The following MTMR7 variants were observed in gnomAD, a reference collection of about 807,000 sequenced individuals.
The protein encoded by MTMR7 is phosphatidylinositol-3-phosphate phosphatase MTMR7.
MTMR7 carries 76 observed loss-of-function variants against 81.2 expected under a neutral mutation model. That is an observed-to-expected ratio of 0.94 (90% CI 0.78 to 1.13). MTMR7 has a LOEUF of 1.13. Ranked by LOEUF, MTMR7 falls within the 50% of genes most tolerant of loss-of-function variation. The pLI is 0.00. For missense variants in MTMR7, 1,044 were observed against 820.0 expected (o/e 1.27, Z -3.34); for synonymous variants, 372 against 289.8 (o/e 1.28, Z -2.88).
intron 7 of MTMR7, among the ~76,000 whole-genome samples, chr8:17,317,579 G>A (rs1217428372): frequency 6.6e-6 from 1 of 152,172 alleles, no homozygotes; most frequent in Non-Finnish European, 1.5e-5. Flanking sequence ...TTTCCAGAAA[G>A]TGTATCACCA....
chr8:17,356,265 T>C (rs1819886708), intron 4 of MTMR7, among the ~76,000 whole-genome samples: 1 of 152,170 alleles, frequency 6.6e-6, no homozygotes, highest in Admixed American at 6.5e-5. Context: ...CAAACTAACT[T>C]AATCATACGG....
chr8:17,381,880 G>A (rs1820772043), intron 1 of MTMR7, among the ~76,000 whole-genome samples: 1 of 152,166 alleles, frequency 6.6e-6, no homozygotes, highest in African/African-American at 2.4e-5. Context: ...AAGAGGCCTG[G>A]GCTCTGGTTC....
Position 17,400,649 on chromosome 8 carries a change from G to A in MTMR7, c.24+12620C>T, listed in dbSNP as rs114283946. 7.5e-3 allele frequency among the ~76,000 whole-genome samples: 1,142 copies of A among 152,164 alleles called. 19 individuals are homozygous for A. Among genetic ancestry groups the A allele is most frequent in the African/African-American group, 0.026 (1,082 of 41,510 alleles). On this transcript the variant is annotated intron_variant, in intron 1 of 13. Coordinates refer to ENST00000180173, the MANE Select transcript of MTMR7 (RefSeq NM_004686.5). ...CCTCAGTACTGTTTTGATTTAGACC[G>A]GTTTAAAGATGGATTCTTATCTAAT... is the stretch of plus-strand genomic sequence containing the variant.
chr8:17,388,064 A>C (rs148823928), intron 1 of MTMR7, among the ~76,000 whole-genome samples: 1 of 152,352 alleles, frequency 6.6e-6, no homozygotes, highest in African/African-American at 2.4e-5. Context: ...AGAACAAGAA[A>C]AAAGTGCCCA....
rs1291994774 is a variant in MTMR7 at position 17,338,736 on chromosome 8, T to C, written c.732+2627A>G. 2.0e-5 allele frequency: 3 copies of C among 152,270 alleles called. No individual in the cohort carries two copies. The East Asian group carries it at 5.8e-4, about 29-fold the overall frequency. 9.4% of individuals were successfully genotyped at this position (152,270 alleles called of 1,614,324 possible). A position where few individuals can be genotyped will look rare whatever the true frequency, so the allele number is the denominator to read the frequency against. Reference sequence around the variant, plus strand: ...TCTTCCAGCAAAGGAGCTATTTTTTTTTTTTTCAGTTTGAAACTTTTATCT... The same window carrying C: ...TCTTCCAGCAAAGGAGCTATTTTTTCTTTTTTCAGTTTGAAACTTTTATCT... On this transcript the variant is annotated intron_variant, in intron 6 of 13. Transcript: ENST00000180173.
chr8:17,300,308 C>G (rs944153105), intron 13 of MTMR7, 84 bp from the exon 14 acceptor site: 1 of 1,369,910 alleles, frequency 7.3e-7, no homozygotes, highest in Non-Finnish European at 9.8e-7. Context: ...CATTTGTTAC[C>G]TCCCACGTGG....
At chr8:17,364,190 C>T (rs949170651) in intron 3 of MTMR7, among the ~76,000 whole-genome samples, 5 of 151,634 alleles carry the variant, frequency 3.3e-5, no homozygotes, top group Admixed American at 6.6e-5. Flanking sequence ...CCACCACGCC[C>T]GGCTAATTTT....
chr8:17,396,532 A>C (rs962864827), intron 1 of MTMR7, among the ~76,000 whole-genome samples: 12 of 152,126 alleles, frequency 7.9e-5, no homozygotes, highest in African/African-American at 2.9e-4. Flanking sequence ...GAGTATGTGG[A>C]CCAGCCTTAG....
chr8:17,366,056 C>T (rs1279100272), intron 3 of MTMR7, among the ~76,000 whole-genome samples: 3 of 152,174 alleles, frequency 2.0e-5, no homozygotes, highest in Non-Finnish European at 4.4e-5. Context: ...CTCTCCTCGG[C>T]TCCTTCACTC....
chr8:17,305,814 T>A lies in MTMR7; in HGVS notation c.1295A>T (p.Tyr432Phe), dbSNP rs756189120. 16 of 1,613,696 alleles carry A rather than the reference T, an allele frequency of 9.9e-6. No homozygotes were observed. Among genetic ancestry groups the A allele is most frequent in the Non-Finnish European group, 1.4e-5 (16 of 1,179,734 alleles). ...TAGGAAGTTTCCAAACTGGCAGGAA[T>A]AAATGTGATGTTGAATGTGAATCAA... ...RFLIHIQHHI[Y>F]SCQFGNFLCN... The change falls in exon 11 of 14, where the codon TAT becomes TTT. Residue 432 changes from tyrosine (Y) to phenylalanine (F), a missense_variant. Transcript: ENST00000180173.
intron 7 of MTMR7, among the ~76,000 whole-genome samples, chr8:17,323,371 G>A (rs953751773): frequency 9.9e-5 from 15 of 152,014 alleles, no homozygotes; most frequent in Non-Finnish European, 4.4e-5. Context: ...AAAAAATAGA[G>A]AATAATTAAA....
intron 1 of MTMR7, among the ~76,000 whole-genome samples, chr8:17,391,203 A>C (rs1330828470): frequency 6.6e-6 from 1 of 152,112 alleles, no homozygotes; most frequent in Non-Finnish European, 1.5e-5. Flanking sequence ...TAGATGGACA[A>C]ACCTTGTAGG....
rs150843963 is a variant in MTMR7, at chr8:17,323,318, G to A, written c.865+7832C>T. 5.6e-3 allele frequency among the ~76,000 whole-genome samples: 849 copies of A among 152,082 alleles called. 13 individuals carry two copies. Among genetic ancestry groups the A allele is most frequent in the Admixed American group, 7.9e-3 (121 of 15,270 alleles). ...GCAACACAGCAAATACACTGGGGTC[G>A]AAATCTACATCCCTTGACTCCACTT... On this transcript the variant is annotated intron_variant, in intron 7 of 13. Transcript: ENST00000180173.
At chr8:17,405,075 C>A (rs1821537876) in intron 1 of MTMR7, among the ~76,000 whole-genome samples, 1 of 152,236 alleles carries the variant, frequency 6.6e-6, no homozygotes. Context: ...TGGCCCTGAA[C>A]TTCTGACCTC....
chr8:17,319,219 A>T (rs1453600693), intron 7 of MTMR7, among the ~76,000 whole-genome samples: 2 of 152,238 alleles, frequency 1.3e-5, no homozygotes, highest in East Asian at 3.8e-4. Context: ...AACCTGGGCT[A>T]GTTACTGAGC....
chr8:17,398,433 A>C (rs1318908447), intron 1 of MTMR7, among the ~76,000 whole-genome samples: 1 of 152,230 alleles, frequency 6.6e-6, no homozygotes, highest in Non-Finnish European at 1.5e-5. Flanking sequence ...GAATCTCTTA[A>C]TAGCAGAATT....
At chr8:17,341,095 G>A (rs968963002) in intron 6 of MTMR7, among the ~76,000 whole-genome samples, 1 of 152,212 alleles carries the variant, frequency 6.6e-6, no homozygotes, top group Non-Finnish European at 1.5e-5. Flanking sequence ...TCTCCAAAAT[G>A]AAGCCACATT....
intron 1 of MTMR7, among the ~76,000 whole-genome samples, chr8:17,396,865 C>T (rs908178890): frequency 6.6e-6 from 1 of 151,792 alleles, no homozygotes; most frequent in Non-Finnish European, 1.5e-5. Context: ...TGTCTTGCAC[C>T]TTCATTAACA....
intron 1 of MTMR7, among the ~76,000 whole-genome samples, chr8:17,391,820 T>C (rs1821117225): frequency 6.6e-6 from 1 of 152,202 alleles, no homozygotes; most frequent in South Asian, 2.1e-4. Context: ...ACAATTTTTA[T>C]AAAGTTGTCA....
Sources: allele counts gnomAD v4.1 joint callset (sites outside exome capture counted in the v4.1 genomes callset), GRCh38; gene constraint gnomAD v4.1.1; transcripts MANE v1.5; gene names NCBI Gene and HGNC (gene_info 2026-07-23, HGNC 2026-07-21).